Variants in PCDHGA2 observed in about 807,000 individuals in gnomAD.
PCDHGA2 encodes protocadherin gamma-A2.
Under a neutral mutation model 59.2 loss-of-function variants are expected in PCDHGA2, and 40 were observed. The observed-to-expected ratio is 0.68, with a 90% CI of 0.52 to 0.88. The LOEUF is 0.88. Ranked by LOEUF, PCDHGA2 falls within the 40% of genes least tolerant of loss-of-function variation. The pLI, the probability that PCDHGA2 is intolerant of heterozygous loss-of-function variation, is 0.00. For synonymous variants in PCDHGA2, 560 were observed against 526.0 expected, an observed-to-expected ratio of 1.06 and a Z score of -0.89; for missense variants, 1,226 against 1,204.0, an observed-to-expected ratio of 1.02 and a Z score of -0.27.
In PCDHGA2 at chr5:141,339,036, C is replaced by T. The variant is rs893713218; in HGVS notation, c.65C>T (p.Thr22Ile). The T allele has an allele frequency of 1.2e-6, 2 of 1,603,216 alleles. No individual in the cohort carries two copies. The highest frequency in any genetic ancestry group is 1.3e-5 in the African/African-American group (1 of 74,646). The change falls in exon 1 of 4, where the codon ACC (threonine) becomes ATC (isoleucine). Residue 22 changes from threonine (T) to isoleucine (I), a missense_variant. Coordinates refer to ENST00000394576, the MANE Select transcript of PCDHGA2 (RefSeq NM_018915.4). ...GTCCTGCTGTGCTTCCTTTTGGCGA[C>T]CCTGTGGGAGGCCAGGGCCGGGCAG... ...KLVLLCFLLATLWEARAGQIR... is the reference protein window; with the variant it reads ...KLVLLCFLLAILWEARAGQIR...
intron 1 of PCDHGA2, chr5:141,433,239 G>A: frequency 1.3e-6 from 2 of 1,494,126 alleles, no homozygotes; most frequent in Non-Finnish European, 1.8e-6. Context: ...TGTCTCCCAA[G>A]CTGGAATGCA....
Position 141,476,876 on chromosome 5 carries a change from C to A in PCDHGA2, c.2425-17931C>A, listed in dbSNP as rs1201654822. 1.2e-6 allele frequency: 2 copies of A among 1,613,994 alleles called. No individual in the cohort carries two copies. Among genetic ancestry groups the A allele is most frequent in the Non-Finnish European group, 1.7e-6 (2 of 1,180,048 alleles). ...CCAGTCCTTGTACCGGGCGCGCGTC[C>A]TGGAGGATGCACCCTCCGGCACGCG... On this transcript the variant is annotated intron_variant, in intron 1 of 3. Transcript: ENST00000394576. The surrounding 1 kb of genome is among the most constrained non-coding windows in gnomAD (Gnocchi z 7.6).
rs367698678 is a variant in PCDHGA2 at position 141,374,080 on chromosome 5, A to G, written c.2424+32685A>G. The G allele has an allele frequency of 6.6e-6, 10 of 1,519,950 alleles. No individual in the cohort carries two copies. In the African/African-American group the frequency reaches 1.4e-4, roughly 21 times the overall value. 94.2% of individuals were successfully genotyped at this position (1,519,950 alleles called of 1,614,324 possible). A position where few individuals can be genotyped will look rare whatever the true frequency, so the allele number is the denominator to read the frequency against. On this transcript the variant is annotated intron_variant, in intron 1 of 3. Coordinates refer to ENST00000394576, the MANE Select transcript of PCDHGA2 (RefSeq NM_018915.4). The stretch of plus-strand genomic sequence containing the variant: ...ATCCCAGAGAAGTTCCTAATAAGCC[A>G]GTAATGGCGCCTCCGCAGAGGCATC...
intron 1 of PCDHGA2, chr5:141,421,860 C>G: frequency 8.1e-6 from 13 of 1,613,750 alleles, no homozygotes; most frequent in Non-Finnish European, 1.1e-5. Context: ...CTCACCTGCT[C>G]CTCCTCACAG....
chr5:141,351,552 G>T (rs1758750462), intron 1 of PCDHGA2: 2 of 1,614,026 alleles, frequency 1.2e-6, no homozygotes, highest in Non-Finnish European at 8.5e-7. Context: ...CTTTCCTCCA[G>T]GACAAGCATC....
chr5:141,418,740 T>C, intron 1 of PCDHGA2: 1 of 1,613,972 alleles, frequency 6.2e-7, no homozygotes, highest in Admixed American at 1.7e-5. Context: ...GTGTTCTCTC[T>C]GGATTACACT....
At chr5:141,420,222 TG>T in intron 1 of PCDHGA2, 1 of 1,604,490 alleles carries the variant, frequency 6.2e-7, no homozygotes, top group East Asian at 2.2e-5. Flanking sequence ...AGCATGCTAC[TG>T]GCTAGCATTT....
chr5:141,485,805 T>C lies in PCDHGA2; in HGVS notation c.2425-9002T>C, dbSNP rs753916789. ...GAGAAGCAATCGGACTACCGCCTGG[T>C]GCTGACTGCTGTCGATGGAGGGAAC... On this transcript the variant is annotated intron_variant, in intron 1 of 3. Coordinates refer to ENST00000394576, the MANE Select transcript of PCDHGA2 (RefSeq NM_018915.4). The surrounding 1 kb of genome is among the most constrained non-coding windows in gnomAD (Gnocchi z 5.7). 1.2e-6 allele frequency: 2 copies of C among 1,614,198 alleles called. No individual in the cohort carries two copies. The highest frequency in any genetic ancestry group is 1.7e-6 in the Non-Finnish European group (2 of 1,180,026).
chr5:141,362,421 G>A (rs1292058776), intron 1 of PCDHGA2: 1 of 1,613,910 alleles, frequency 6.2e-7, no homozygotes, highest in African/African-American at 1.3e-5. Context: ...AATCAGCCAA[G>A]ACAGAGTTCA....
intron 1 of PCDHGA2, chr5:141,403,278 T>C (rs1254967384): frequency 1.2e-6 from 2 of 1,613,784 alleles, no homozygotes; most frequent in Non-Finnish European, 1.7e-6. Context: ...TTTAAAGTCC[T>C]GGTTGAAGAC....
rs562410567 is a variant in PCDHGA2 at position 141,413,096 on chromosome 5, G to A, written c.2424+71701G>A. On this transcript the variant is annotated intron_variant, in intron 1 of 3. Transcript: ENST00000394576. ...GCCCAGGCTACAGAGACACCCTGAA[G>A]CCACAGAAAGACAAAGGAACCGGTT... 25 of 1,445,574 alleles carry A rather than the reference G, an allele frequency of 1.7e-5. No homozygotes were observed. The African/African-American group carries it at 3.3e-4, about 19-fold the overall frequency. The allele number at this position is 1,445,574 out of a possible 1,614,324, so 89.5% of individuals were successfully genotyped here.
rs2099634686 is a variant in PCDHGA2 at position 141,486,772 on chromosome 5, T to G, written c.2425-8035T>G. 1 of 1,614,246 alleles carries G rather than the reference T, an allele frequency of 6.2e-7. No individual in the cohort carries two copies. The highest frequency in any genetic ancestry group is 8.5e-7 in the Non-Finnish European group (1 of 1,180,042). Reference sequence around the variant, plus strand: ...ATGAGCAAACCCAGACACTGCAGTTTGAGGTGCAGGCCCGGGATCGGGGCA... The same window carrying G: ...ATGAGCAAACCCAGACACTGCAGTTGGAGGTGCAGGCCCGGGATCGGGGCA... On this transcript the variant is annotated intron_variant, in intron 1 of 3. Coordinates refer to ENST00000394576, the MANE Select transcript of PCDHGA2 (RefSeq NM_018915.4). This position sits in a 1 kb window ranked among gnomAD's most constrained non-coding sequence, Gnocchi z 5.0.
At position 141,431,209 on chromosome 5, in the gene PCDHGA2, G is replaced by C; in HGVS notation, c.2425-63598G>C. Reference sequence around the variant, plus strand: ...TTAGTGAAAATGCAGCCACTGAGATGCGGTTCCCTCTACCCCACGCCTGGG... The same window carrying C: ...TTAGTGAAAATGCAGCCACTGAGATCCGGTTCCCTCTACCCCACGCCTGGG... On this transcript the variant is annotated intron_variant, in intron 1 of 3. Coordinates refer to ENST00000394576, the MANE Select transcript of PCDHGA2 (RefSeq NM_018915.4). The surrounding 1 kb of genome is among the most constrained non-coding windows in gnomAD (Gnocchi z 4.8). 6.2e-7 allele frequency: 1 copy of C among 1,614,190 alleles called. No homozygotes were observed. Among genetic ancestry groups the C allele is most frequent in the Non-Finnish European group, 8.5e-7 (1 of 1,180,038 alleles).
Position 141,382,148 on chromosome 5 carries a change from G to T in PCDHGA2, c.2424+40753G>T, listed in dbSNP as rs368948292. 1.1e-3 allele frequency among the ~76,000 whole-genome samples: 162 copies of T among 151,932 alleles called. 4 individuals are homozygous for T. In the South Asian group the frequency reaches 0.024, roughly 23 times the overall value. Reference sequence around the variant, plus strand: ...TGGCCCCCCCTCTCATTTTTTAAACGGTTAAAATGAAGGTGTTAGACCGTC... The same window carrying T: ...TGGCCCCCCCTCTCATTTTTTAAACTGTTAAAATGAAGGTGTTAGACCGTC... On this transcript the variant is annotated intron_variant, in intron 1 of 3. Coordinates refer to ENST00000394576, the MANE Select transcript of PCDHGA2 (RefSeq NM_018915.4).
In PCDHGA2 at chr5:141,485,066, G is replaced by A. The variant is rs907517904; in HGVS notation, c.2425-9741G>A. On this transcript the variant is annotated intron_variant, in intron 1 of 3. Coordinates refer to ENST00000394576, the MANE Select transcript of PCDHGA2 (RefSeq NM_018915.4). This position sits in a 1 kb window ranked among gnomAD's most constrained non-coding sequence, Gnocchi z 5.7. Reference sequence around the variant, plus strand: ...GCGGCGCCGGCCGAACCGCGCCAGAGCTGGCGCGGGGAAAGGGAGATAGGT... The same window carrying A: ...GCGGCGCCGGCCGAACCGCGCCAGAACTGGCGCGGGGAAAGGGAGATAGGT... 1 of 885,622 alleles carries A rather than the reference G, an allele frequency of 1.1e-6. No individual in the cohort carries two copies. Among genetic ancestry groups the A allele is most frequent in the Non-Finnish European group, 1.8e-6 (1 of 559,820 alleles). 54.9% of individuals were successfully genotyped at this position (885,622 alleles called of 1,614,324 possible).
At chr5:141,449,658 C>T (rs1413506303) in intron 1 of PCDHGA2, among the ~76,000 whole-genome samples, 5 of 149,582 alleles carry the variant, frequency 3.3e-5, no homozygotes, top group Admixed American at 3.3e-4. Flanking sequence ...TTTACATACA[C>T]ACCCAAGTGT....
Position 141,490,732 on chromosome 5 carries a change from G to T in PCDHGA2, c.2425-4075G>T, listed in dbSNP as rs775388969. 4 of 1,614,188 alleles carry T rather than the reference G, an allele frequency of 2.5e-6. No individual in the cohort carries two copies. Among genetic ancestry groups the T allele is most frequent in the Non-Finnish European group, 3.4e-6 (4 of 1,180,042 alleles). ...CACCTACTCCATTGTAGGAAATCAGGTTCAGGGAGCCCCAGCCTCCTCCTT... is the reference window on the plus strand; with the variant it reads ...CACCTACTCCATTGTAGGAAATCAGTTTCAGGGAGCCCCAGCCTCCTCCTT... On this transcript the variant is annotated intron_variant, in intron 1 of 3. Transcript: ENST00000394576. The surrounding 1 kb of genome is among the most constrained non-coding windows in gnomAD (Gnocchi z 5.4).
chr5:141,407,143 A>G (rs2154538062), intron 1 of PCDHGA2, among the ~76,000 whole-genome samples: 1 of 152,360 alleles, frequency 6.6e-6, no homozygotes, highest in East Asian at 1.9e-4. Flanking sequence ...AAGAAAAAAA[A>G]GCTGAAGTGT....
intron 1 of PCDHGA2, chr5:141,394,001 G>T: frequency 6.2e-7 from 1 of 1,613,458 alleles, no homozygotes; most frequent in Non-Finnish European, 8.5e-7. Flanking sequence ...AATTAGAAAA[G>T]TCAATAGGTA....
Sources: allele counts gnomAD v4.1 joint callset (sites outside exome capture counted in the v4.1 genomes callset), GRCh38; gene constraint gnomAD v4.1.1; non-coding constraint Gnocchi (gnomAD v3.1); transcripts MANE v1.5; gene names NCBI Gene and HGNC (gene_info 2026-07-23, HGNC 2026-07-21).